SLC25A36: variants seen among roughly 807,000 people sequenced by gnomAD.
SLC25A36 encodes the protein epididymis secretory sperm binding protein.
A neutral mutation model predicts 35.3 loss-of-function variants in SLC25A36; 24 were observed. That is an observed-to-expected ratio of 0.68 (90% confidence interval 0.49 to 0.96). SLC25A36 has a LOEUF of 0.96. Among genes scored for constraint, SLC25A36 ranks in the 40% least tolerant of loss-of-function variants. The probability of loss-of-function intolerance (pLI) is 0.00; values close to 1 mark genes in which losing one functional copy is unlikely to be tolerated. For missense variants in SLC25A36, 294 were observed against 381.1 expected (o/e 0.77, Z 1.90); for synonymous variants, 141 against 132.2 (o/e 1.07, Z -0.46).
chr3:140,968,770 A>AT, intron 4 of SLC25A36: 1 of 885,414 alleles, frequency 1.1e-6, no homozygotes, highest in Non-Finnish European at 1.3e-6. Flanking sequence ...TAGAACTTTT[A>AT]TTTAAAAAAA....
intron 1 of SLC25A36, among the ~76,000 whole-genome samples, chr3:140,953,841 G>A (rs912828134): frequency 6.6e-5 from 10 of 152,174 alleles, no homozygotes; most frequent in Non-Finnish European, 1.5e-4. Context: ...ATGGTGGCAT[G>A]TGCCTGTAGT....
In SLC25A36 at chr3:140,979,129, C is replaced by G. The variant is rs1935126724; in HGVS notation, c.*2676C>G. 1 of 152,164 alleles carries G rather than the reference C, an allele frequency of 6.6e-6. No individual in the cohort carries two copies. The highest frequency in any genetic ancestry group is 6.5e-5 in the Admixed American group (1 of 15,268). 9.4% of individuals were successfully genotyped at this position (152,164 alleles called of 1,614,324 possible). A position where few individuals can be genotyped will look rare whatever the true frequency, so the allele number is the denominator to read the frequency against. On this transcript the variant is annotated 3_prime_UTR_variant, in exon 7 of 7. Transcript: ENST00000324194. ...AGTTCGTTTGATTCTCATTATGTAA[C>G]TTTGTAGAACCATCCTTTCTAGATG...
rs375891786 is a variant in SLC25A36 at position 140,963,187 on chromosome 3, T to C, written c.345T>C (p.Pro115=). The change falls in exon 4 of 7, where the codon CCT becomes CCC. Residue 115 remains proline, a synonymous_variant. Coordinates refer to ENST00000324194, the MANE Select transcript of SLC25A36 (RefSeq NM_001104647.3). ...CKEKLNDVFD[P]DSTQVHMISA... is the part of the protein sequence containing the mutation. ...AAAAGTTGAATGATGTATTTGATCCTGATTCTACCCAAGTACATATGATTT... is the reference window on the plus strand; with the variant it reads ...AAAAGTTGAATGATGTATTTGATCCCGATTCTACCCAAGTACATATGATTT... The C allele has an allele frequency of 5.0e-6, 8 of 1,597,902 alleles. No homozygotes were observed. The highest frequency in any genetic ancestry group is 4.1e-5 in the African/African-American group (3 of 73,958).
Position 140,954,127 on chromosome 3 carries a change from T to C in SLC25A36, c.42-2400T>C, listed in dbSNP as rs190251885. ...TGCCTTTTCTAGAATATCATAAAAG[T>C]GTTTGCTTAACGAGGGGGATAATTT... On this transcript the variant is annotated intron_variant, in intron 1 of 6. Coordinates refer to ENST00000324194, the MANE Select transcript of SLC25A36 (RefSeq NM_001104647.3). 3.2e-4 allele frequency among the ~76,000 whole-genome samples: 49 copies of C among 152,350 alleles called. No homozygotes were observed. In the East Asian group the frequency reaches 9.4e-3, roughly 29 times the overall value.
In SLC25A36 at chr3:140,941,949, TC is replaced by T; in HGVS notation, c.-102del. On this transcript the variant is annotated 5_prime_UTR_variant, in exon 1 of 7. Coordinates refer to ENST00000324194, the MANE Select transcript of SLC25A36 (RefSeq NM_001104647.3). The stretch of plus-strand genomic sequence containing the variant: ...GCATCTCGGCCAGCTCTCCTCGCCG[TC>T]CCCGGGGCGCTGTGCGTCTCCAGTC... 6.4e-6 allele frequency: 4 copies of T among 629,846 alleles called. No homozygotes were observed. Among genetic ancestry groups the T allele is most frequent in the Non-Finnish European group, 8.0e-6 (3 of 373,300 alleles). 39.0% of individuals were successfully genotyped at this position (629,846 alleles called of 1,614,324 possible).
chr3:140,948,927 A>G (rs1934240877), intron 1 of SLC25A36, among the ~76,000 whole-genome samples: 1 of 152,208 alleles, frequency 6.6e-6, no homozygotes, highest in African/African-American at 2.4e-5. Flanking sequence ...ATATTCACTT[A>G]GTGAACAATT....
At chr3:140,964,633 T>G (rs1934714323) in intron 4 of SLC25A36, 1 of 151,906 alleles carries the variant, frequency 6.6e-6, no homozygotes, top group Admixed American at 6.6e-5. Context: ...AACCACTTTA[T>G]CAGGTTCTTT....
At position 140,979,594 on chromosome 3, in the gene SLC25A36, T is replaced by C. The variant is rs147450474; in HGVS notation, c.*3141T>C. 11 of 152,312 alleles carry C rather than the reference T, an allele frequency of 7.2e-5. 1 individual carries two copies. Among genetic ancestry groups the C allele is most frequent in the Admixed American group, 5.9e-4 (9 of 15,296 alleles). The allele number at this position is 152,312 out of a possible 1,614,324, so 9.4% of individuals were successfully genotyped here. Reference sequence around the variant, plus strand: ...TACATAAAATACAATGTACAAACTTTCTGCCCACTCAGATCTCTTCTCCAT... The same window carrying C: ...TACATAAAATACAATGTACAAACTTCCTGCCCACTCAGATCTCTTCTCCAT... On this transcript the variant is annotated 3_prime_UTR_variant, in exon 7 of 7. Transcript: ENST00000324194.
rs187564715 is a variant in SLC25A36, at chr3:140,947,389, C to G, written c.41+5294C>G. 1.2e-4 allele frequency among the ~76,000 whole-genome samples: 19 copies of G among 152,236 alleles called. No homozygotes were observed. In the East Asian group the frequency reaches 1.7e-3, roughly 14 times the overall value. On this transcript the variant is annotated intron_variant, in intron 1 of 6. Transcript: ENST00000324194. ...CCTATAATGGATTTTTTTTATTTCTCAGTCTCGTATCTTACTATTTTTCCT... is the reference window on the plus strand; with the variant it reads ...CCTATAATGGATTTTTTTTATTTCTGAGTCTCGTATCTTACTATTTTTCCT...
At chr3:140,942,607 A>G (rs1425521423) in intron 1 of SLC25A36, 1 of 152,694 alleles carries the variant, frequency 6.5e-6, no homozygotes, top group Non-Finnish European at 1.5e-5. Flanking sequence ...GAGGCTGAGG[A>G]CAAAATGGGC....
intron 6 of SLC25A36, among the ~76,000 whole-genome samples, chr3:140,975,038 C>T (rs1043089759): frequency 2.4e-4 from 34 of 143,830 alleles, no homozygotes; most frequent in Non-Finnish European, 3.8e-4. Flanking sequence ...ACAGTCTTTT[C>T]CCTTGAAGTG....
At chr3:140,963,105 T>A in intron 3 of SLC25A36, 22 bp from the exon 4 acceptor site, 1 of 1,435,590 alleles carries the variant, frequency 7.0e-7, no homozygotes, top group Non-Finnish European at 9.4e-7. Flanking sequence ...TGCTTATTGA[T>A]AAATCTAAAT....
intron 1 of SLC25A36, among the ~76,000 whole-genome samples, chr3:140,951,037 A>C (rs1174738069): frequency 2.0e-5 from 3 of 152,106 alleles, no homozygotes; most frequent in Admixed American, 6.5e-5. Context: ...TCCCTCTTGA[A>C]TACTTGGTGC....
intron 2 of SLC25A36, 126 bp downstream of exon 2, chr3:140,956,817 G>C: frequency 1.5e-6 from 2 of 1,378,808 alleles, no homozygotes; most frequent in Non-Finnish European, 1.9e-6. Context: ...AAGTTACTCT[G>C]AATTGTACTC....
At position 140,973,941 on chromosome 3, in the gene SLC25A36, T is replaced by A; in HGVS notation, c.678T>A (p.Phe226Leu). Residue 226 changes from phenylalanine (F) to leucine (L), a missense_variant, in exon 6 of 7, where the codon TTT (phenylalanine) becomes TTA (leucine). Phe to Leu is a conservative substitution (Grantham distance 22). Transcript: ENST00000324194. ...DEESVKEASD[F>L]VGMMLAAATS... The stretch of plus-strand genomic sequence containing the variant: ...AGTCTGTGAAAGAAGCATCAGATTT[T>A]GTGGGAATGATGCTAGCTGCTGCCA... 6.2e-7 allele frequency: 1 copy of A among 1,607,876 alleles called. No individual in the cohort carries two copies. Among genetic ancestry groups the A allele is most frequent in the Non-Finnish European group, 8.5e-7 (1 of 1,175,906 alleles).
intron 6 of SLC25A36, among the ~76,000 whole-genome samples, chr3:140,974,898 A>G (rs1403377996): frequency 1.3e-5 from 2 of 152,106 alleles, no homozygotes; most frequent in African/African-American, 4.8e-5. Flanking sequence ...AGTTTCCTGA[A>G]GGAAGTTCCT....
At position 140,948,477 on chromosome 3, in the gene SLC25A36, C is replaced by T. The variant is rs544278735; in HGVS notation, c.41+6382C>T. Among the ~76,000 whole-genome samples the T allele has an allele frequency of 2.4e-4, 37 of 152,160 alleles. No homozygotes were observed. In the South Asian group the frequency reaches 6.8e-3, roughly 28 times the overall value. On this transcript the variant is annotated intron_variant, in intron 1 of 6. Coordinates refer to ENST00000324194, the MANE Select transcript of SLC25A36 (RefSeq NM_001104647.3). Reference sequence around the variant, plus strand: ...GATTACAAGCGTGAGCCACCGTGCCCGGCCAGTGATTGATATTTCTTAATG... The same window carrying T: ...GATTACAAGCGTGAGCCACCGTGCCTGGCCAGTGATTGATATTTCTTAATG...
chr3:140,959,712 C>T (rs1431618822), intron 3 of SLC25A36, among the ~76,000 whole-genome samples, 172 bp downstream of exon 3: 1 of 152,030 alleles, frequency 6.6e-6, no homozygotes, highest in East Asian at 1.9e-4. Context: ...CTAGCCAGAA[C>T]AAATTTATAT....
At chr3:140,946,749 TG>T (rs1459238152) in intron 1 of SLC25A36, among the ~76,000 whole-genome samples, 1 of 152,106 alleles carries the variant, frequency 6.6e-6, no homozygotes, top group Non-Finnish European at 1.5e-5. Context: ...GGAACAGAGT[TG>T]GGGTGAGGGG....
Sources: gnomAD v4.1 joint callset for allele counts (sites outside exome capture counted in the v4.1 genomes callset) on GRCh38, gnomAD v4.1.1 for gene constraint, MANE v1.5 for transcripts, NCBI Gene and HGNC (gene_info 2026-07-23, HGNC 2026-07-21) for gene names.